UNC79: variants seen among roughly 807,000 people sequenced by gnomAD.
UNC79 encodes unc-79 subunit of NALCN channel complex.
A neutral mutation model predicts 283.1 loss-of-function variants in UNC79; 37 were observed. The ratio of observed to expected loss-of-function variants is 0.13; its 90% CI spans 0.10 to 0.17. The LOEUF is 0.17. UNC79 is among the 10% of genes least tolerant of loss of function. UNC79 has a pLI of 1.00. For synonymous variants in UNC79, 1,107 were observed against 1,200.2 expected, an observed-to-expected ratio of 0.92 and a Z score of 1.61; for missense variants, 2,272 against 3,211.1, an observed-to-expected ratio of 0.71 and a Z score of 7.07.
intron 5 of UNC79, among the ~76,000 whole-genome samples, chr14:93,490,675 A>G (rs1417449949): frequency 6.6e-6 from 1 of 152,166 alleles, no homozygotes; most frequent in Non-Finnish European, 1.5e-5. Flanking sequence ...TGCTGTCCGT[A>G]TTTATACTAA....
intron 14 of UNC79, among the ~76,000 whole-genome samples, chr14:93,553,227 A>G (rs1309963175): frequency 6.6e-6 from 1 of 152,226 alleles, no homozygotes; most frequent in African/African-American, 2.4e-5. Flanking sequence ...TCAATTGTTA[A>G]AAGTTGTAAA....
chr14:93,348,109 A>G (rs1317356961), intron 1 of UNC79: 10 of 1,595,318 alleles, frequency 6.3e-6, no homozygotes, highest in Non-Finnish European at 8.6e-6. Context: ...GAAGCAGTTC[A>G]GAAGGAATTA....
chr14:93,520,026 C>T (rs2140953534), intron 7 of UNC79, among the ~76,000 whole-genome samples: 1 of 152,028 alleles, frequency 6.6e-6, no homozygotes, highest in East Asian at 1.9e-4. Context: ...ATTTGAGCTA[C>T]TATCTGGTAT....
At chr14:93,598,526 C>CTTTGTTTTGT (rs1566742509) in intron 24 of UNC79, among the ~76,000 whole-genome samples, 1 of 151,886 alleles carries the variant, frequency 6.6e-6, no homozygotes, top group Non-Finnish European at 1.5e-5. Flanking sequence ...TAGTTTTTTG[C>CTTTGTTTTGT]TTTGTTTTGT....
chr14:93,364,734 A>G (rs921213981), intron 1 of UNC79, among the ~76,000 whole-genome samples: 8 of 151,606 alleles, frequency 5.3e-5, no homozygotes, highest in African/African-American at 1.9e-4. Context: ...ATTCACTAGC[A>G]TTGGCTTATT....
At chr14:93,413,918 T>C (rs1279304416) in intron 1 of UNC79, among the ~76,000 whole-genome samples, 1 of 92,770 alleles carries the variant, frequency 1.1e-5, no homozygotes, top group Non-Finnish European at 2.5e-5. Context: ...TTGTAGATTC[T>C]GGATATTAGC....
intron 41 of UNC79, among the ~76,000 whole-genome samples, chr14:93,677,770 C>T (rs541138259): frequency 1.8e-4 from 27 of 152,310 alleles, no homozygotes; most frequent in African/African-American, 6.3e-4. Context: ...CTGTCTCAGC[C>T]TCCTGAGTAG....
chr14:93,384,552 A>G (rs1490810214), intron 1 of UNC79, among the ~76,000 whole-genome samples: 2 of 152,158 alleles, frequency 1.3e-5, no homozygotes, highest in Non-Finnish European at 2.9e-5. Context: ...GGATTATTAG[A>G]TGTTTTTCCT....
At chr14:93,660,582 C>CATTTT (rs558994332) in intron 39 of UNC79, among the ~76,000 whole-genome samples, 1,381 of 61,848 alleles carry the variant, frequency 0.022, 44 homozygotes, top group African/African-American at 0.066. Context: ...TGTGTGTGTT[C>CATTTT]ATTTTATTTT....
At chr14:93,706,949 A>G, downstream of UNC79, 3 of 1,604,164 alleles carry the variant, frequency 1.9e-6, no homozygotes, top group Non-Finnish European at 2.6e-6. Context: ...TTTAGCAATA[A>G]TGGGTTTAAA....
At chr14:93,398,292 A>C (rs2055038866) in intron 1 of UNC79, among the ~76,000 whole-genome samples, 1 of 152,206 alleles carries the variant, frequency 6.6e-6, no homozygotes, top group Non-Finnish European at 1.5e-5. Context: ...CACAAGACTG[A>C]GTGTGACTAG....
intron 40 of UNC79, among the ~76,000 whole-genome samples, chr14:93,664,162 A>G (rs1162729881): frequency 6.6e-6 from 1 of 152,158 alleles, no homozygotes; most frequent in African/African-American, 2.4e-5. Flanking sequence ...ACTATAAGAA[A>G]TCGTTTAAAA....
chr14:93,692,013 C>T, intron 46 of UNC79, 67 bp downstream of exon 49: 2 of 1,546,870 alleles, frequency 1.3e-6, no homozygotes, highest in Non-Finnish European at 1.8e-6. Flanking sequence ...TCCTAATCCT[C>T]ACACTCCCTG....
At chr14:93,612,065 AG>A (rs1054705672) in intron 26 of UNC79, among the ~76,000 whole-genome samples, 2 of 152,176 alleles carry the variant, frequency 1.3e-5, no homozygotes, top group Admixed American at 6.5e-5. Context: ...GAGGAGGCCA[AG>A]GGCGAAGGTA....
At chr14:93,682,160 A>G (rs2073899375) in intron 41 of UNC79, among the ~76,000 whole-genome samples, 1 of 152,186 alleles carries the variant, frequency 6.6e-6, no homozygotes, top group African/African-American at 2.4e-5. Context: ...GGAAGATGAG[A>G]TGCTGAAGTT....
chr14:93,584,835 T>G (rs962353317), intron 20 of UNC79, among the ~76,000 whole-genome samples: 1 of 151,514 alleles, frequency 6.6e-6, no homozygotes, highest in Admixed American at 6.6e-5. Flanking sequence ...TAGCTGGGAC[T>G]ACAGGCACCC....
At chr14:93,633,884 A>G (rs555781883) in intron 31 of UNC79, among the ~76,000 whole-genome samples, 1 of 152,296 alleles carries the variant, frequency 6.6e-6, no homozygotes, top group East Asian at 1.9e-4. Context: ...TTTGATTCAC[A>G]TTTTTCAAAC....
chr14:93,693,088 G>A (rs970915266), intron 46 of UNC79, among the ~76,000 whole-genome samples: 1 of 152,146 alleles, frequency 6.6e-6, no homozygotes, highest in Non-Finnish European at 1.5e-5. Flanking sequence ...AAAGGGGATG[G>A]TATATTTCCT....
At chr14:93,421,777 A>C (rs1269855351) in intron 1 of UNC79, among the ~76,000 whole-genome samples, 1 of 14,610 alleles carries the variant, frequency 6.8e-5, no homozygotes, top group East Asian at 4.3e-4. Flanking sequence ...GAGATAGCTT[A>C]AAAAAAAAAA....
Sources: allele counts gnomAD v4.1 joint callset (sites outside exome capture counted in the v4.1 genomes callset), GRCh38; gene constraint gnomAD v4.1.1; transcripts MANE v1.5; gene names NCBI Gene and HGNC (gene_info 2026-07-23, HGNC 2026-07-21).